Variants in ROR1 observed in about 807,000 individuals in gnomAD.
ROR1 encodes inactive tyrosine-protein kinase transmembrane receptor ROR1.
ROR1 carries 19 observed loss-of-function variants against 78.8 expected under a neutral mutation model. The ratio of observed to expected loss-of-function variants is 0.24; its 90% CI spans 0.17 to 0.35. The LOEUF is 0.35. Among genes scored for constraint, ROR1 ranks in the 10% least tolerant of loss-of-function variants. The pLI, the probability that ROR1 is intolerant of heterozygous loss-of-function variation, is 1.00. For synonymous variants in ROR1, 386 were observed against 433.6 expected (o/e 0.89, Z 1.36); for missense variants, 917 against 1,177.8 (o/e 0.78, Z 3.24).
intron 1 of ROR1, among the ~76,000 whole-genome samples, chr1:63,795,524 G>A (rs1015050831): frequency 6.6e-6 from 1 of 152,150 alleles, no homozygotes; most frequent in Admixed American, 6.5e-5. Flanking sequence ...GACCTGCCGT[G>A]TGCTTGGGCC....
intron 1 of ROR1, among the ~76,000 whole-genome samples, chr1:63,810,885 GAAAGTAACTACAAA>G (rs1644856284): frequency 3.3e-5 from 5 of 152,262 alleles, no homozygotes; most frequent in African/African-American, 9.6e-5. Flanking sequence ...TTCTCTGTAG[GAAAGTAACTACAAA>G]CGGTAAAGAA....
chr1:63,971,566 T>C (rs962857396), intron 1 of ROR1, among the ~76,000 whole-genome samples: 1 of 152,174 alleles, frequency 6.6e-6, no homozygotes, highest in African/African-American at 2.4e-5. Context: ...TTAATATATA[T>C]ATGTATTACT....
chr1:64,051,531 G>A (rs12063603), intron 4 of ROR1, among the ~76,000 whole-genome samples: 3,057 of 151,834 alleles, frequency 0.02, 114 homozygotes, highest in African/African-American at 0.071. Flanking sequence ...CACTGGGAAA[G>A]AAAGTCCCAA....
chr1:64,162,804 C>A (rs1186617999), intron 8 of ROR1, among the ~76,000 whole-genome samples: 2 of 152,148 alleles, frequency 1.3e-5, no homozygotes, highest in Admixed American at 6.5e-5. Context: ...TCTTTTAGTA[C>A]AGCAGAAATT....
intron 1 of ROR1, among the ~76,000 whole-genome samples, chr1:63,962,168 A>G (rs1456490254): frequency 1.3e-5 from 2 of 152,022 alleles, no homozygotes; most frequent in African/African-American, 2.4e-5. Context: ...GCTGAGGTTC[A>G]AGGATTGCTT....
intron 1 of ROR1, among the ~76,000 whole-genome samples, chr1:63,822,343 C>T (rs375427539): frequency 6.6e-6 from 1 of 152,164 alleles, no homozygotes; most frequent in Non-Finnish European, 1.5e-5. Context: ...ATTAATTAAT[C>T]AACTAATTAT....
intron 1 of ROR1, among the ~76,000 whole-genome samples, chr1:63,919,782 C>T (rs1411899078): frequency 6.6e-6 from 1 of 152,128 alleles, no homozygotes; most frequent in African/African-American, 2.4e-5. Flanking sequence ...GCACAGCTGT[C>T]AGCACTTATT....
chr1:63,815,237 G>A (rs998938048), intron 1 of ROR1, among the ~76,000 whole-genome samples: 20 of 152,218 alleles, frequency 1.3e-4, no homozygotes, highest in African/African-American at 3.9e-4. Context: ...GAGAGTCTCC[G>A]AGCAATGAAG....
intron 1 of ROR1, among the ~76,000 whole-genome samples, chr1:63,837,274 A>G (rs1018039388): frequency 1.3e-5 from 2 of 152,356 alleles, no homozygotes; most frequent in Non-Finnish European, 2.9e-5. Flanking sequence ...CTTTTAAAAA[A>G]TATGCATACT....
intron 4 of ROR1, chr1:64,110,754 A>G (rs1648059376): frequency 6.6e-6 from 1 of 152,104 alleles, no homozygotes; most frequent in Non-Finnish European, 1.5e-5. Flanking sequence ...CAGAAAGCTC[A>G]TGTATCTTGG....
At chr1:63,990,641 T>C (rs917756438) in intron 1 of ROR1, among the ~76,000 whole-genome samples, 3 of 152,178 alleles carry the variant, frequency 2.0e-5, no homozygotes, top group Non-Finnish European at 4.4e-5. Context: ...GTTGTAATTT[T>C]GTCAAAGATA....
chr1:63,880,277 A>G (rs1375651496), intron 1 of ROR1, among the ~76,000 whole-genome samples: 1 of 152,214 alleles, frequency 6.6e-6, no homozygotes, highest in Non-Finnish European at 1.5e-5. Flanking sequence ...ATTAATAAGC[A>G]TGGAAAGATT....
chr1:63,890,924 C>G (rs1645390657), intron 1 of ROR1, among the ~76,000 whole-genome samples: 1 of 152,082 alleles, frequency 6.6e-6, no homozygotes, highest in Non-Finnish European at 1.5e-5. Context: ...ATTTATCACC[C>G]AAAATATAGT....
intron 1 of ROR1, among the ~76,000 whole-genome samples, chr1:63,874,872 A>G (rs187994673): frequency 1.3e-5 from 2 of 151,588 alleles, no homozygotes; most frequent in East Asian, 1.9e-4. Flanking sequence ...CATTTCATCA[A>G]TTTTTTTTTG....
chr1:63,919,151 AT>A (rs1477084823), intron 1 of ROR1, among the ~76,000 whole-genome samples: 1 of 152,164 alleles, frequency 6.6e-6, no homozygotes, highest in Non-Finnish European at 1.5e-5. Flanking sequence ...CTCTTCAAGC[AT>A]TTTAAAAAAA....
intron 1 of ROR1, among the ~76,000 whole-genome samples, chr1:63,952,969 G>C (rs974694672): frequency 6.6e-6 from 1 of 152,110 alleles, no homozygotes; most frequent in Non-Finnish European, 1.5e-5. Context: ...ATCCTATTTG[G>C]GGTTACTAAG....
chr1:64,041,382 T>C (rs1223994689), intron 2 of ROR1, among the ~76,000 whole-genome samples: 1 of 152,188 alleles, frequency 6.6e-6, no homozygotes, highest in Non-Finnish European at 1.5e-5. Context: ...AAGGAAAAAG[T>C]AGTTTCCCTG....
chr1:64,162,889 C>A (rs1296022241), intron 8 of ROR1, among the ~76,000 whole-genome samples: 1 of 152,032 alleles, frequency 6.6e-6, no homozygotes, highest in African/African-American at 2.4e-5. Flanking sequence ...CTTCCCTTGC[C>A]CCTACATCCC....
chr1:64,056,292 G>A (rs1254253071), intron 4 of ROR1, among the ~76,000 whole-genome samples: 1 of 151,978 alleles, frequency 6.6e-6, no homozygotes, highest in Non-Finnish European at 1.5e-5. Flanking sequence ...ATTTGCAGAA[G>A]GATAGTATAT....
Sources: allele counts gnomAD v4.1 joint callset (sites outside exome capture counted in the v4.1 genomes callset), GRCh38; gene constraint gnomAD v4.1.1; transcripts MANE v1.5; gene names NCBI Gene and HGNC (gene_info 2026-07-23, HGNC 2026-07-21).